Variants in GRB10 observed in about 807,000 individuals in gnomAD.
GRB10 encodes the protein growth factor receptor bound protein 10.
In GRB10, 20 loss-of-function variants were observed where a neutral mutation model predicts 80.9. The ratio of observed to expected loss-of-function variants is 0.25; its 90% confidence interval spans 0.17 to 0.36. The LOEUF (loss-of-function observed/expected upper bound fraction) is 0.36, where lower values mean the gene tolerates loss of function less well. Ranked by LOEUF, GRB10 falls within the 10% of genes least tolerant of loss-of-function variation. The probability of loss-of-function intolerance (pLI) is 1.00; values close to 1 mark genes in which losing one functional copy is unlikely to be tolerated. For synonymous variants in GRB10, 291 were observed against 291.5 expected (o/e 1.00, Z 0.02); for missense variants, 548 against 747.7 (o/e 0.73, Z 3.12).
intron 4 of GRB10, among the ~76,000 whole-genome samples, chr7:50,709,046 G>A (rs1587243126): frequency 6.6e-6 from 1 of 152,192 alleles, no homozygotes; most frequent in Admixed American, 6.5e-5. Context: ...AAGGATGGGA[G>A]AGGGCAGCCA....
intron 3 of GRB10, among the ~76,000 whole-genome samples, chr7:50,750,587 C>T (rs529782030): frequency 1.9e-4 from 29 of 152,310 alleles, no homozygotes; most frequent in African/African-American, 5.8e-4. Flanking sequence ...GGAACGCAGT[C>T]CCACAATTCC....
intron 7 of GRB10, among the ~76,000 whole-genome samples, chr7:50,635,209 A>T (rs1217468543): frequency 6.6e-6 from 1 of 152,232 alleles, no homozygotes; most frequent in East Asian, 1.9e-4. Context: ...TAATAAAATT[A>T]AAAATCAATA....
chr7:50,721,629 A>G (rs932876837), intron 4 of GRB10, among the ~76,000 whole-genome samples: 1 of 152,138 alleles, frequency 6.6e-6, no homozygotes, highest in Admixed American at 6.5e-5. Flanking sequence ...AGGGCTCTGC[A>G]GCTTGAGAAT....
intron 3 of GRB10, among the ~76,000 whole-genome samples, chr7:50,740,731 G>T (rs765162404): frequency 6.6e-6 from 1 of 151,118 alleles, no homozygotes; most frequent in East Asian, 1.9e-4. Flanking sequence ...ACATTCATTC[G>T]AAACCCAAAC....
intron 3 of GRB10, among the ~76,000 whole-genome samples, chr7:50,739,384 G>A (rs1404231631): frequency 1.3e-5 from 2 of 152,094 alleles, no homozygotes; most frequent in East Asian, 1.9e-4. Context: ...TATGTTTATG[G>A]TGGATTTAAA....
chr7:50,767,193 T>G (rs2076436049), intron 2 of GRB10, among the ~76,000 whole-genome samples: 1 of 152,192 alleles, frequency 6.6e-6, no homozygotes, highest in African/African-American at 2.4e-5. Context: ...ACCCACTGCC[T>G]GGCTGCCGGG....
chr7:50,744,517 A>G (rs923382420), intron 3 of GRB10, among the ~76,000 whole-genome samples: 3 of 152,236 alleles, frequency 2.0e-5, no homozygotes, highest in African/African-American at 4.8e-5. Context: ...AGCTTTATCA[A>G]TAACAGAAAG....
chr7:50,692,069 TTTCTC>T (rs749447702), intron 5 of GRB10, among the ~76,000 whole-genome samples: 11 of 152,190 alleles, frequency 7.2e-5, no homozygotes, highest in Admixed American at 5.9e-4. Context: ...TGTACAGACT[TTTCTC>T]TTGTCATTAT....
At chr7:50,597,117 T>C (rs749129835) in intron 17 of GRB10, among the ~76,000 whole-genome samples, 2 of 152,216 alleles carry the variant, frequency 1.3e-5, no homozygotes, top group Non-Finnish European at 2.9e-5. Flanking sequence ...AAAAGAAATA[T>C]ATTTTACTAC....
In GRB10 at chr7:50,755,952, C is replaced by A; in HGVS notation, c.-112G>T. The stretch of plus-strand genomic sequence containing the variant: ...CCACCCTGGCTTCACTGAGAGGACC[C>A]AGGTGAGGACCTGGCTGCCGGTCAC... On this transcript the variant is annotated 5_prime_UTR_variant, in exon 3 of 19. Transcript: ENST00000401949. 5.0e-6 allele frequency: 2 copies of A among 399,036 alleles called. No homozygotes were observed. Among genetic ancestry groups the A allele is most frequent in the African/African-American group, 2.1e-5 (1 of 48,774 alleles). The allele number at this position is 399,036 out of a possible 1,614,324, so 24.7% of individuals were successfully genotyped here. A position where few individuals can be genotyped will look rare whatever the true frequency, so the allele number is the denominator to read the frequency against.
chr7:50,706,911 C>T (rs139229568), intron 4 of GRB10, among the ~76,000 whole-genome samples: 145 of 152,332 alleles, frequency 9.5e-4, no homozygotes, highest in Non-Finnish European at 1.8e-3. Flanking sequence ...CCGCTGGCCT[C>T]CCAACCCTCT....
chr7:50,716,839 T>C (rs964258883), intron 4 of GRB10, among the ~76,000 whole-genome samples: 2 of 152,006 alleles, frequency 1.3e-5, no homozygotes, highest in South Asian at 2.1e-4. Flanking sequence ...TATGAAGACA[T>C]AGTAATAGAA....
chr7:50,747,490 G>C (rs1043234539), intron 3 of GRB10: 1 of 152,148 alleles, frequency 6.6e-6, no homozygotes, highest in African/African-American at 2.4e-5. Context: ...TTCAAAGATG[G>C]TTTTACCCTC....
At chr7:50,742,482 A>G (rs774353035) in intron 3 of GRB10, among the ~76,000 whole-genome samples, 1 of 152,230 alleles carries the variant, frequency 6.6e-6, no homozygotes, top group Non-Finnish European at 1.5e-5. Context: ...GTCCCCGGAC[A>G]TACAGCATGG....
chr7:50,690,340 GA>G (rs977602894), intron 5 of GRB10, among the ~76,000 whole-genome samples: 11 of 151,550 alleles, frequency 7.3e-5, no homozygotes, highest in African/African-American at 2.2e-4. Context: ...AGAAAAAAAA[GA>G]AAAAAAGGTT....
intron 7 of GRB10, among the ~76,000 whole-genome samples, chr7:50,628,966 A>G (rs1231650772): frequency 6.6e-6 from 1 of 152,230 alleles, no homozygotes; most frequent in Non-Finnish European, 1.5e-5. Flanking sequence ...TGTTATTAAA[A>G]TGCATTAACA....
At chr7:50,638,592 A>G (rs1052707277) in intron 7 of GRB10, among the ~76,000 whole-genome samples, 13 of 152,222 alleles carry the variant, frequency 8.5e-5, no homozygotes, top group Admixed American at 5.9e-4. Context: ...CAACAAAACA[A>G]AAGATGTTGA....
In GRB10 at chr7:50,594,287, G is replaced by T. The variant is rs535928733; in HGVS notation, c.1638+1150C>A. On this transcript the variant is annotated intron_variant, in intron 18 of 18. Coordinates refer to ENST00000401949, the MANE Select transcript of GRB10 (RefSeq NM_001350814.2). ...AGGTGGGGATGTCAGCACACAGCAG[G>T]AAGCAAGCAGCCACAGAAAAGACAG... Among the ~76,000 whole-genome samples, 82 of 152,286 alleles carry T rather than the reference G, an allele frequency of 5.4e-4. 1 individual carries two copies. Among genetic ancestry groups the T allele is most frequent in the African/African-American group, 1.9e-3 (78 of 41,558 alleles).
intron 7 of GRB10, among the ~76,000 whole-genome samples, chr7:50,669,077 G>T (rs2060096873): frequency 6.6e-6 from 1 of 152,286 alleles, no homozygotes. Context: ...GGTGAGCCCA[G>T]CATTTTCACA....
Sources: gnomAD v4.1 joint callset for allele counts (sites outside exome capture counted in the v4.1 genomes callset) on GRCh38, gnomAD v4.1.1 for gene constraint, MANE v1.5 for transcripts, NCBI Gene and HGNC (gene_info 2026-07-23, HGNC 2026-07-21) for gene names.